Variants in ESRRB observed in about 807,000 individuals in gnomAD.
The protein encoded by ESRRB is estrogen related receptor beta.
Under a neutral mutation model 46.0 loss-of-function variants are expected in ESRRB, and 16 were observed. That is an observed-to-expected ratio of 0.35 (90% confidence interval 0.24 to 0.53). ESRRB has a LOEUF of 0.53. Among genes scored for constraint, ESRRB ranks in the 20% least tolerant of loss-of-function variants. The probability of loss-of-function intolerance (pLI) is 0.93; values close to 1 mark genes in which losing one functional copy is unlikely to be tolerated. For missense variants in ESRRB, 488 were observed against 607.4 expected, an observed-to-expected ratio of 0.80 and a Z score of 2.07; for synonymous variants, 246 against 259.6, an observed-to-expected ratio of 0.95 and a Z score of 0.50.
intron 5 of ESRRB, among the ~76,000 whole-genome samples, chr14:76,490,179 C>T (rs1277737689): frequency 6.6e-6 from 1 of 152,208 alleles, no homozygotes; most frequent in Non-Finnish European, 1.5e-5. Context: ...GATGCCCTTC[C>T]TTCTTTGAAT....
In ESRRB at chr14:76,482,519, T is replaced by C. The variant is rs10134248; in HGVS notation, c.689-79T>C. 602,923 of 1,526,688 alleles carry C rather than the reference T, an allele frequency of 0.39. 123,812 individuals are homozygous for C. The highest frequency in any genetic ancestry group is 0.7 in the East Asian group (31,008 of 44,244). The allele number at this position is 1,526,688 out of a possible 1,614,324, so 94.6% of individuals were successfully genotyped here. A position where few individuals can be genotyped will look rare whatever the true frequency, so the allele number is the denominator to read the frequency against. On this transcript the variant is annotated intron_variant, in intron 4 of 6. Coordinates refer to ENST00000644823, the MANE Select transcript of ESRRB (RefSeq NM_001379180.1). This position sits in a 1 kb window ranked among gnomAD's most constrained non-coding sequence, Gnocchi z 4.3. ...GGAGCTCTTAGGAACCCAACTTTGC[T>C]TCCTGACCCATCTGAGCCTCCACCC...
chr14:76,421,487 G>T (rs528086623), intron 1 of ESRRB, among the ~76,000 whole-genome samples: 37 of 152,346 alleles, frequency 2.4e-4, no homozygotes, highest in Middle Eastern at 3.4e-3. Flanking sequence ...TTGTTATTCG[G>T]TTATATAATA....
chr14:76,368,194 C>T (rs1344735644), upstream of ESRRB, among the ~76,000 whole-genome samples: 1 of 145,382 alleles, frequency 6.9e-6, no homozygotes, highest in Non-Finnish European at 1.5e-5. Context: ...AGGATCGTCT[C>T]AATCTCCTGA....
chr14:76,361,155 G>A (rs2139771687), intron 1 of ESRRB, among the ~76,000 whole-genome samples: 1 of 152,316 alleles, frequency 6.6e-6, no homozygotes, highest in Admixed American at 6.5e-5. Context: ...ATTATATTGA[G>A]ACCATCCTAC....
At chr14:76,404,575 T>G (rs1400460358) in intron 1 of ESRRB, 1 of 152,920 alleles carries the variant, frequency 6.5e-6, no homozygotes, top group Non-Finnish European at 1.5e-5. Flanking sequence ...CAGTCAGCGT[T>G]GCAGCCACCT....
chr14:76,338,773 T>G (rs7146444), intron 1 of ESRRB, among the ~76,000 whole-genome samples: 24 of 151,928 alleles, frequency 1.6e-4, no homozygotes, highest in Admixed American at 3.9e-4. Context: ...TGGTGAAACC[T>G]GGTCTCTACT....
intron 1 of ESRRB, among the ~76,000 whole-genome samples, chr14:76,436,783 TCAAC>T (rs1472954878): frequency 1.3e-5 from 2 of 152,128 alleles, no homozygotes; most frequent in African/African-American, 4.8e-5. Context: ...GAGGAGATTC[TCAAC>T]CAGGGGACTG....
At chr14:76,469,944 C>CTTT (rs1178018542) in intron 3 of ESRRB, among the ~76,000 whole-genome samples, 1,091 of 73,030 alleles carry the variant, frequency 0.015, 17 homozygotes, top group African/African-American at 0.033. Context: ...TTTTTTTTTT[C>CTTT]TTTTTTTTTT....
intron 1 of ESRRB, among the ~76,000 whole-genome samples, chr14:76,380,945 C>T (rs528134632): frequency 1.3e-3 from 192 of 152,328 alleles, no homozygotes; most frequent in Non-Finnish European, 2.2e-4. Context: ...TGAAGGCTTT[C>T]ACCGATTTCT....
intron 1 of ESRRB, among the ~76,000 whole-genome samples, chr14:76,356,288 G>A (rs1000531083): frequency 6.6e-6 from 1 of 152,164 alleles, no homozygotes; most frequent in Non-Finnish European, 1.5e-5. Context: ...CTCCTACATT[G>A]TGGTGCAGGG....
At chr14:76,358,397 A>AAGAAAGAAAGAAAGAAAGAG (rs1884421995) in intron 1 of ESRRB, among the ~76,000 whole-genome samples, 3 of 126,970 alleles carry the variant, frequency 2.4e-5, no homozygotes, top group Admixed American at 1.6e-4. Context: ...GAAAGAAAGA[A>AAGAAAGAAAGAAAGAAAGAG]AGAAAGAAAG....
chr14:76,457,604 T>C (rs1888669048), intron 2 of ESRRB, among the ~76,000 whole-genome samples: 1 of 152,150 alleles, frequency 6.6e-6, no homozygotes, highest in Non-Finnish European at 1.5e-5. Flanking sequence ...GCAGCCGTGG[T>C]GGCCTGTTTG....
intron 1 of ESRRB, among the ~76,000 whole-genome samples, chr14:76,386,912 C>T (rs1005990729): frequency 2.6e-5 from 4 of 152,290 alleles, no homozygotes; most frequent in East Asian, 1.9e-4. Flanking sequence ...CAGGGTAAGT[C>T]AAGTCTTTTT....
chr14:76,340,088 A>G (rs1161195270), intron 1 of ESRRB, among the ~76,000 whole-genome samples: 1 of 152,072 alleles, frequency 6.6e-6, no homozygotes, highest in African/African-American at 2.4e-5. Flanking sequence ...ACAGATAACA[A>G]TTGGGGGGCA....
chr14:76,343,874 G>A (rs1163364848), intron 1 of ESRRB, among the ~76,000 whole-genome samples: 1 of 152,242 alleles, frequency 6.6e-6, no homozygotes, highest in Non-Finnish European at 1.5e-5. Context: ...ATGAACTACA[G>A]AAATTTAGAG....
chr14:76,339,730 C>CA (rs1457821402), intron 1 of ESRRB, among the ~76,000 whole-genome samples: 1 of 152,216 alleles, frequency 6.6e-6, no homozygotes, highest in Non-Finnish European at 1.5e-5. Flanking sequence ...AGCAGCCCCC[C>CA]ACACTCACAA....
At chr14:76,390,205 A>G (rs558053492) in intron 1 of ESRRB, among the ~76,000 whole-genome samples, 2 of 152,212 alleles carry the variant, frequency 1.3e-5, no homozygotes, top group Non-Finnish European at 2.9e-5. Context: ...GTTGATAAAC[A>G]TGGCTGAGTG....
intron 3 of ESRRB, among the ~76,000 whole-genome samples, chr14:76,471,299 T>C (rs755265324): frequency 1.3e-5 from 2 of 152,224 alleles, no homozygotes; most frequent in Non-Finnish European, 2.9e-5. Flanking sequence ...GACTTCTGAT[T>C]CCACTCTTAG....
intron 2 of ESRRB, among the ~76,000 whole-genome samples, chr14:76,447,243 CTCCTTCCTTCCTTCCTTCCTTCCT>C (rs11272399): frequency 0.017 from 2,225 of 133,372 alleles, 58 homozygotes; most frequent in African/African-American, 0.055. Context: ...TTTCTAAAGT[CTCCTTCCTTCCTTCCTTCCTTCCT>C]TCCTTCCTTC....
Sources: gnomAD v4.1 joint callset for allele counts (sites outside exome capture counted in the v4.1 genomes callset) on GRCh38, gnomAD v4.1.1 for gene constraint, Gnocchi (gnomAD v3.1) non-coding constraint, MANE v1.5 for transcripts, NCBI Gene and HGNC (gene_info 2026-07-23, HGNC 2026-07-21) for gene names.